The following HTR2A variants were observed in gnomAD, a reference collection of about 807,000 sequenced individuals.
HTR2A encodes 5-HT2 receptor.
In HTR2A, 14 loss-of-function variants were observed where a neutral mutation model predicts 31.0. The ratio of observed to expected loss-of-function variants is 0.45; its 90% CI spans 0.30 to 0.71. HTR2A has a LOEUF of 0.71. HTR2A is among the 30% of genes least tolerant of loss of function. The pLI is 0.09. For synonymous variants in HTR2A, 209 were observed against 225.2 expected, an observed-to-expected ratio of 0.93 and a Z score of 0.64; for missense variants, 442 against 573.3, an observed-to-expected ratio of 0.77 and a Z score of 2.34.
intron 3 of HTR2A, among the ~76,000 whole-genome samples, chr13:46,882,625 A>C (rs1025654781): frequency 1.3e-5 from 2 of 152,226 alleles, no homozygotes; most frequent in Non-Finnish European, 2.9e-5. Flanking sequence ...GTGGAAAAAA[A>C]CAAGTAATGT....
intron 3 of HTR2A, among the ~76,000 whole-genome samples, chr13:46,886,801 T>A (rs1013553938): frequency 9.9e-5 from 15 of 152,124 alleles, no homozygotes; most frequent in Admixed American, 3.3e-4. Flanking sequence ...AGGAACAGAT[T>A]GAGAGACCGA....
chr13:46,853,158 A>G (rs979732537), intron 3 of HTR2A, among the ~76,000 whole-genome samples: 1 of 152,176 alleles, frequency 6.6e-6, no homozygotes, highest in African/African-American at 2.4e-5. Context: ...GGGATATAAG[A>G]TGCCGTGATT....
chr13:46,897,141 G>A, upstream of HTR2A: 2 of 265,256 alleles, frequency 7.5e-6, no homozygotes, highest in South Asian at 8.6e-5. Flanking sequence ...GACCAAACAG[G>A]CTTTTTCTTC....
At chr13:46,887,284 G>T (rs535271043) in intron 3 of HTR2A, among the ~76,000 whole-genome samples, 1 of 152,082 alleles carries the variant, frequency 6.6e-6, no homozygotes, top group East Asian at 1.9e-4. Context: ...TTAGCCGGGT[G>T]TGGTGGCGGG....
At chr13:46,892,362 T>C (rs201820519) in intron 3 of HTR2A, 28 bp downstream of exon 3, 3 of 1,588,398 alleles carry the variant, frequency 1.9e-6, no homozygotes, top group Non-Finnish European at 2.6e-6. Context: ...TCATTTCAAA[T>C]GAGACTCTGA....
chr13:46,847,098 T>C (rs1487337828), intron 3 of HTR2A, among the ~76,000 whole-genome samples: 1 of 152,220 alleles, frequency 6.6e-6, no homozygotes, highest in Non-Finnish European at 1.5e-5. Context: ...GGGTGGGAAT[T>C]TGAGTTTCGA....
chr13:46,877,398 A>C (rs1950923942), intron 3 of HTR2A, among the ~76,000 whole-genome samples: 1 of 152,226 alleles, frequency 6.6e-6, no homozygotes, highest in South Asian at 2.1e-4. Flanking sequence ...GGCCTTCATA[A>C]TTACAACACA....
At position 46,895,541 on chromosome 13, in the gene HTR2A, C is replaced by A. The variant is rs754360432; in HGVS notation, c.366G>T (p.Leu122=). ...FLMSLAIADM[L]LGFLVMPVSM... ...ACACGGGCATGACAAGGAAACCCAG[C>A]AGCATATCAGCTATGGCAAGTGACA... The change falls in exon 2 of 4, where the codon CTG becomes CTT. Residue 122 remains leucine, a synonymous_variant. Transcript: ENST00000542664. This position sits in a 1 kb window ranked among gnomAD's most constrained non-coding sequence, Gnocchi z 4.4. 3 of 1,614,174 alleles carry A rather than the reference C, an allele frequency of 1.9e-6. No homozygotes were observed. The South Asian group carries it at 3.3e-5, about 18-fold the overall frequency.
intron 3 of HTR2A, among the ~76,000 whole-genome samples, chr13:46,846,546 T>G (rs998634997): frequency 6.6e-6 from 1 of 152,138 alleles, no homozygotes; most frequent in Non-Finnish European, 1.5e-5. Context: ...AAGATAGGGG[T>G]CCTGCAGAGC....
At chr13:46,847,984 T>C (rs1395001905) in intron 3 of HTR2A, among the ~76,000 whole-genome samples, 1 of 152,146 alleles carries the variant, frequency 6.6e-6, no homozygotes, top group African/African-American at 2.4e-5. Context: ...TCTAGAAGCT[T>C]CTTCACAGTT....
intron 3 of HTR2A, chr13:46,854,269 AT>A (rs1360273977): frequency 6.6e-6 from 1 of 152,202 alleles, no homozygotes; most frequent in African/African-American, 2.4e-5. Context: ...CATTAGCTGA[AT>A]TTGAACATTT....
rs1263839451 is a variant in HTR2A at position 46,887,563 on chromosome 13, AAG to A, written c.613+4825_613+4826del. ...CCCTAGGTAATCCCACAACCCAGAA[AAG>A]AGAGATCCAGATAACTTGTGATTAA... On this transcript the variant is annotated intron_variant, in intron 3 of 3. Coordinates refer to ENST00000542664, the MANE Select transcript of HTR2A (RefSeq NM_000621.5). Among the ~76,000 whole-genome samples the A allele has an allele frequency of 4.6e-5, 7 of 152,148 alleles. No individual in the cohort carries two copies. In the East Asian group the frequency reaches 1.4e-3, roughly 29 times the overall value.
At chr13:46,874,605 C>G (rs1290035944) in intron 3 of HTR2A, among the ~76,000 whole-genome samples, 2 of 152,344 alleles carry the variant, frequency 1.3e-5, no homozygotes, top group South Asian at 4.1e-4. Flanking sequence ...TGCATTGTAT[C>G]TAGGAAGCAT....
At chr13:46,854,535 C>G (rs1950716131) in intron 3 of HTR2A, among the ~76,000 whole-genome samples, 1 of 152,154 alleles carries the variant, frequency 6.6e-6, no homozygotes, top group Non-Finnish European at 1.5e-5. Flanking sequence ...GTGAAAGCTG[C>G]TGGAACTAAT....
chr13:46,885,631 T>C (rs887800734), intron 3 of HTR2A, among the ~76,000 whole-genome samples: 2 of 152,226 alleles, frequency 1.3e-5, no homozygotes, highest in East Asian at 1.9e-4. Flanking sequence ...TCAAGTGGAA[T>C]TGGTAGGTCA....
At chr13:46,842,262 G>C (rs1950604248) in intron 3 of HTR2A, among the ~76,000 whole-genome samples, 1 of 152,046 alleles carries the variant, frequency 6.6e-6, no homozygotes. Flanking sequence ...GTGCTCATGA[G>C]TAAAGATTTA....
In HTR2A at chr13:46,834,742, C is replaced by G; in HGVS notation, c.*95G>C. The G allele has an allele frequency of 1.0e-6, 1 of 971,492 alleles. No homozygotes were observed. The highest frequency in any genetic ancestry group is 1.5e-6 in the Non-Finnish European group (1 of 652,416). The allele number at this position is 971,492 out of a possible 1,614,324, so 60.2% of individuals were successfully genotyped here. On this transcript the variant is annotated 3_prime_UTR_variant, in exon 4 of 4. Transcript: ENST00000542664. ...AGATATGATCGTTGGTTCCACTAGA[C>G]TTGTCTAATTTTTTCCAATCTCATA...
chr13:46,870,579 G>T (rs1950856529), intron 3 of HTR2A, among the ~76,000 whole-genome samples: 1 of 152,062 alleles, frequency 6.6e-6, no homozygotes, highest in African/African-American at 2.4e-5. Context: ...GTTAATTCAG[G>T]TTTTTAGAAA....
chr13:46,892,463 GGGATTCT>G lies in HTR2A; in HGVS notation c.533_539del (p.Gln178ProfsTer15). 1 of 1,614,246 alleles carries G rather than the reference GGGATTCT, an allele frequency of 6.2e-7. No individual in the cohort carries two copies. Among genetic ancestry groups the G allele is most frequent in the Middle Eastern group, 1.6e-4 (1 of 6,062 alleles). On this transcript the variant is annotated frameshift_variant, in exon 3 of 4. Coordinates refer to ENST00000542664, the MANE Select transcript of HTR2A (RefSeq NM_000621.5). LOFTEE classifies it high-confidence loss of function. Reference sequence around the variant, plus strand: ...TGGAGTTGAAGCGGCTGTGGTGGATGGGATTCTGGATGGCGACGTAGCGGTCCAGCGA... The same window carrying G: ...TGGAGTTGAAGCGGCTGTGGTGGATGGGATGGCGACGTAGCGGTCCAGCGA...
Sources: gnomAD v4.1 joint callset for allele counts (sites outside exome capture counted in the v4.1 genomes callset) on GRCh38, gnomAD v4.1.1 for gene constraint, Gnocchi (gnomAD v3.1) non-coding constraint, MANE v1.5 for transcripts, NCBI Gene and HGNC (gene_info 2026-07-23, HGNC 2026-07-21) for gene names.